The following SLC33A1 variants were observed in gnomAD, a reference collection of about 807,000 sequenced individuals.
The protein encoded by SLC33A1 is acetyl-coenzyme A transporter 1.
Under a neutral mutation model 50.0 loss-of-function variants are expected in SLC33A1, and 20 were observed. The ratio of observed to expected loss-of-function variants is 0.40; its 90% confidence interval spans 0.28 to 0.58. SLC33A1 has a LOEUF of 0.58. Among genes scored for constraint, SLC33A1 ranks in the 20% least tolerant of loss-of-function variants. The probability of loss-of-function intolerance (pLI) is 0.44; values close to 1 mark genes in which losing one functional copy is unlikely to be tolerated. For missense variants in SLC33A1, 476 were observed against 657.0 expected, an observed-to-expected ratio of 0.72 and a Z score of 3.01; for synonymous variants, 265 against 251.8, an observed-to-expected ratio of 1.05 and a Z score of -0.50.
intron 2 of SLC33A1, among the ~76,000 whole-genome samples, chr3:155,841,352 T>C (rs2107977138): frequency 6.6e-6 from 1 of 152,216 alleles, no homozygotes; most frequent in East Asian, 1.9e-4. Context: ...ACATCTGGCC[T>C]TCTTTCTATC....
At chr3:155,832,075 G>C (rs2109309298) in intron 4 of SLC33A1, among the ~76,000 whole-genome samples, 1 of 152,256 alleles carries the variant, frequency 6.6e-6, no homozygotes, top group Non-Finnish European at 1.5e-5. Flanking sequence ...CTTGCATCCA[G>C]AACAAAAAAA....
intron 4 of SLC33A1, 148 bp from the exon 5 acceptor site, chr3:155,830,051 A>G: frequency 3.1e-6 from 2 of 646,236 alleles, no homozygotes; most frequent in Non-Finnish European, 5.4e-6. Flanking sequence ...AGCACCTACT[A>G]TAGGCCAGGC....
At chr3:155,830,491 A>G (rs1196500144) in intron 4 of SLC33A1, among the ~76,000 whole-genome samples, 4 of 152,106 alleles carry the variant, frequency 2.6e-5, no homozygotes, top group Non-Finnish European at 5.9e-5. Flanking sequence ...AATGGGGAAT[A>G]AATAATTATA....
Position 155,824,173 on chromosome 3 carries a change from A to G in SLC33A1, c.*4037T>C, listed in dbSNP as rs1490005302. The G allele has an allele frequency of 6.6e-6, 1 of 152,232 alleles. No homozygotes were observed. The highest frequency in any genetic ancestry group is 2.4e-5 in the African/African-American group (1 of 41,460). 9.4% of individuals were successfully genotyped at this position (152,232 alleles called of 1,614,324 possible). A position where few individuals can be genotyped will look rare whatever the true frequency, so the allele number is the denominator to read the frequency against. On this transcript the variant is annotated 3_prime_UTR_variant, in exon 6 of 6. Transcript: ENST00000643144. ...TAAATATATGAATGCTAGTTATCAGATTATTTTAAAAGTTTATTTTCTTTC... is the reference window on the plus strand; with the variant it reads ...TAAATATATGAATGCTAGTTATCAGGTTATTTTAAAAGTTTATTTTCTTTC...
chr3:155,834,392 C>T (rs529792560), intron 2 of SLC33A1, among the ~76,000 whole-genome samples: 1 of 152,206 alleles, frequency 6.6e-6, no homozygotes, highest in South Asian at 2.1e-4. Flanking sequence ...AGAACTTAAG[C>T]CTTTAATTGA....
chr3:155,836,280 C>CAAAAAAAAAAAAAAAAAAAAAAA lies in SLC33A1; in HGVS notation c.964-2262_964-2240dup, dbSNP rs57460942. On this transcript the variant is annotated intron_variant, in intron 2 of 5. Transcript: ENST00000643144. ...GCCTGGTGACAGAGTGAGACTCTGT[C>CAAAAAAAAAAAAAAAAAAAAAAA]AAAAAAAAAAAAAAAAAAAAAAAAA... is the stretch of plus-strand genomic sequence containing the variant. Among the ~76,000 whole-genome samples, 12 of 27,172 alleles carry CAAAAAAAAAAAAAAAAAAAAAAA rather than the reference C, an allele frequency of 4.4e-4. 1 individual carries two copies. Among genetic ancestry groups the CAAAAAAAAAAAAAAAAAAAAAAA allele is most frequent in the Non-Finnish European group, 5.1e-4 (8 of 15,802 alleles). The allele number at this position is 27,172 out of a possible 152,430, so 17.8% of individuals were successfully genotyped here. A position where few individuals can be genotyped will look rare whatever the true frequency, so the allele number is the denominator to read the frequency against.
chr3:155,851,879 G>T (rs553944804), intron 1 of SLC33A1, among the ~76,000 whole-genome samples: 11 of 152,182 alleles, frequency 7.2e-5, no homozygotes, highest in African/African-American at 2.7e-4. Flanking sequence ...TTGAGGAGGT[G>T]TACATAAGGT....
In SLC33A1 at chr3:155,822,811, A is replaced by T. The variant is rs1280272200; in HGVS notation, c.*5399T>A. ...CTGATATTTAAATATGATCTCTTTC[A>T]TTACACATTTGGGCAAAATTTTTTT... On this transcript the variant is annotated 3_prime_UTR_variant, in exon 6 of 6. Coordinates refer to ENST00000643144, the MANE Select transcript of SLC33A1 (RefSeq NM_004733.4). 6.6e-6 allele frequency: 1 copy of T among 152,160 alleles called. No homozygotes were observed. The highest frequency in any genetic ancestry group is 6.5e-5 in the Admixed American group (1 of 15,268). 9.4% of individuals were successfully genotyped at this position (152,160 alleles called of 1,614,324 possible). A position where few individuals can be genotyped will look rare whatever the true frequency, so the allele number is the denominator to read the frequency against.
chr3:155,830,028 C>A, intron 4 of SLC33A1, 125 bp from the exon 5 acceptor site: 1 of 695,224 alleles, frequency 1.4e-6, no homozygotes. Flanking sequence ...CTCAATTCAA[C>A]AAATACTTAT....
intron 2 of SLC33A1, 67 bp downstream of exon 2, chr3:155,842,365 C>T: frequency 1.1e-6 from 1 of 932,258 alleles, no homozygotes; most frequent in East Asian, 2.6e-5. Context: ...ATGAAAAAGG[C>T]ATTGTAAGTA....
intron 1 of SLC33A1, among the ~76,000 whole-genome samples, chr3:155,843,286 T>C (rs1183142840): frequency 6.6e-6 from 1 of 152,200 alleles, no homozygotes; most frequent in African/African-American, 2.4e-5. Flanking sequence ...ATTTCTTATA[T>C]ACCCAAGCCT....
At chr3:155,851,054 C>T (rs1383893540) in intron 1 of SLC33A1, among the ~76,000 whole-genome samples, 1 of 151,812 alleles carries the variant, frequency 6.6e-6, no homozygotes, top group Non-Finnish European at 1.5e-5. Flanking sequence ...CCATCCTGGC[C>T]AACACAGTGA....
chr3:155,841,733 T>TC (rs1457008607), intron 2 of SLC33A1, among the ~76,000 whole-genome samples: 18 of 151,920 alleles, frequency 1.2e-4, no homozygotes, highest in African/African-American at 3.4e-4. Flanking sequence ...CTTCTATATC[T>TC]TTTTATTTAT....
Position 155,853,293 on chromosome 3 carries a change from A to C in SLC33A1, c.705T>G (p.Leu235=), listed in dbSNP as rs1393027216. ...ATTTGTTACAAAAGTCGGCAGATTC[A>C]AGGGCCAAAAACAAAACATTGCCCA... ...YFLGNVLFLA[L]ESADFCNKYL... The change falls in exon 1 of 6, where the codon CTT becomes CTG. Residue 235 remains leucine, a synonymous_variant. Coordinates refer to ENST00000643144, the MANE Select transcript of SLC33A1 (RefSeq NM_004733.4). The C allele has an allele frequency of 6.2e-7, 1 of 1,614,118 alleles. No homozygotes were observed.
chr3:155,853,872 T>A lies in SLC33A1; in HGVS notation c.126A>T (p.Ser42=). ...PGGWDDSHLD[S]AGREGDREAL... Reference sequence around the variant, plus strand: ...CTTCTCTGTCCCCTTCCCGGCCCGCTGAGTCCAAATGACTGTCATCCCAAC... The same window carrying A: ...CTTCTCTGTCCCCTTCCCGGCCCGCAGAGTCCAAATGACTGTCATCCCAAC... The change falls in exon 1 of 6, where the codon TCA becomes TCT. Residue 42 remains serine (S), a synonymous_variant. Transcript: ENST00000643144. 1 of 1,567,726 alleles carries A rather than the reference T, an allele frequency of 6.4e-7. No homozygotes were observed. The highest frequency in any genetic ancestry group is 8.6e-7 in the Non-Finnish European group (1 of 1,157,418).
Position 155,827,995 on chromosome 3 carries a change from C to T in SLC33A1, c.*215G>A. 1 of 486,686 alleles carries T rather than the reference C, an allele frequency of 2.1e-6. No individual in the cohort carries two copies. 30.1% of individuals were successfully genotyped at this position (486,686 alleles called of 1,614,324 possible). A position where few individuals can be genotyped will look rare whatever the true frequency, so the allele number is the denominator to read the frequency against. On this transcript the variant is annotated 3_prime_UTR_variant, in exon 6 of 6. Coordinates refer to ENST00000643144, the MANE Select transcript of SLC33A1 (RefSeq NM_004733.4). ...GCCAGAAAAGTTGTTTTAGAATTTC[C>T]TGACCTTAAGTAAACTTTAAATACA... is the stretch of plus-strand genomic sequence containing the variant.
intron 2 of SLC33A1, among the ~76,000 whole-genome samples, chr3:155,839,907 T>C (rs1428021144): frequency 6.6e-6 from 1 of 151,734 alleles, no homozygotes; most frequent in Non-Finnish European, 1.5e-5. Flanking sequence ...ATCGCGCCAC[T>C]GTACTCCAGC....
At chr3:155,846,702 C>G (rs1282469913) in intron 1 of SLC33A1, among the ~76,000 whole-genome samples, 1 of 151,458 alleles carries the variant, frequency 6.6e-6, no homozygotes, top group Non-Finnish European at 1.5e-5. Flanking sequence ...ATCCACCCAC[C>G]TCGGCCTCCC....
At chr3:155,842,934 G>T (rs1752987205) in intron 1 of SLC33A1, 1 of 178,416 alleles carries the variant, frequency 5.6e-6, no homozygotes, top group Admixed American at 6.2e-5. Flanking sequence ...CCAGGAAGTG[G>T]AGGCTGCAGT....
Sources: allele counts gnomAD v4.1 joint callset (sites outside exome capture counted in the v4.1 genomes callset), GRCh38; gene constraint gnomAD v4.1.1; transcripts MANE v1.5; gene names NCBI Gene and HGNC (gene_info 2026-07-23, HGNC 2026-07-21).